Variants in NRXN3 observed in about 807,000 individuals in gnomAD.
NRXN3 encodes neurexin III.
NRXN3 carries 32 observed loss-of-function variants against 137.6 expected under a neutral mutation model. The ratio of observed to expected loss-of-function variants is 0.23; its 90% confidence interval spans 0.18 to 0.31. The LOEUF is 0.31. Ranked by LOEUF, NRXN3 falls within the 10% of genes least tolerant of loss-of-function variation. The pLI is 1.00. For missense variants in NRXN3, 1,574 were observed against 2,062.5 expected, an observed-to-expected ratio of 0.76 and a Z score of 4.59; for synonymous variants, 798 against 784.5, an observed-to-expected ratio of 1.02 and a Z score of -0.29.
chr14:79,756,803 G>A (rs746059786), intron 19 of NRXN3, among the ~76,000 whole-genome samples: 2 of 152,172 alleles, frequency 1.3e-5, no homozygotes, highest in South Asian at 2.1e-4. Flanking sequence ...TCACCCAGGA[G>A]ATCTGAGAAT....
chr14:79,171,941 G>C (rs2061823831), intron 15 of NRXN3, among the ~76,000 whole-genome samples: 1 of 151,596 alleles, frequency 6.6e-6, no homozygotes, highest in Admixed American at 6.6e-5. Context: ...TAATACCCCA[G>C]TACACCTAAA....
chr14:79,533,453 G>A (rs2097186539), intron 16 of NRXN3, among the ~76,000 whole-genome samples: 1 of 152,172 alleles, frequency 6.6e-6, no homozygotes, highest in Admixed American at 6.5e-5. Flanking sequence ...TACAAGAGGT[G>A]TGATTTGGGG....
chr14:78,991,922 G>T (rs886873971), intron 15 of NRXN3, among the ~76,000 whole-genome samples: 11 of 152,130 alleles, frequency 7.2e-5, no homozygotes, highest in African/African-American at 2.4e-4. Context: ...TTTATTCTTT[G>T]TGTGACCCTG....
intron 10 of NRXN3, among the ~76,000 whole-genome samples, chr14:78,915,345 C>CAAAAAAAAAAAAAAAAAAAAAAAAAA (rs35908076): frequency 8.9e-5 from 1 of 11,196 alleles, no homozygotes; most frequent in Non-Finnish European, 1.9e-4. Context: ...ACGTGTGAAG[C>CAAAAAAAAAAAAAAAAAAAAAAAAAA]AAAAAAAAAA....
intron 4 of NRXN3, among the ~76,000 whole-genome samples, chr14:78,416,159 T>A (rs562312454): frequency 2.6e-5 from 4 of 152,306 alleles, no homozygotes; most frequent in African/African-American, 9.6e-5. Flanking sequence ...GCAGCCATAT[T>A]TGAAGACTAT....
chr14:78,226,427 A>G (rs1381212647), intron 1 of NRXN3, among the ~76,000 whole-genome samples: 1 of 152,230 alleles, frequency 6.6e-6, no homozygotes, highest in Non-Finnish European at 1.5e-5. Context: ...GTATATTAAA[A>G]GATTTATCTA....
At chr14:79,524,870 G>T (rs181535985) in intron 16 of NRXN3, among the ~76,000 whole-genome samples, 6 of 152,258 alleles carry the variant, frequency 3.9e-5, no homozygotes, top group Admixed American at 1.3e-4. Flanking sequence ...GGACAAAAAG[G>T]GTATGATCTA....
At chr14:79,488,098 A>G (rs1478177417) in intron 16 of NRXN3, among the ~76,000 whole-genome samples, 4 of 152,168 alleles carry the variant, frequency 2.6e-5, no homozygotes, top group Non-Finnish European at 5.9e-5. Flanking sequence ...CATATGAGGC[A>G]AGCTCCATGC....
intron 8 of NRXN3, among the ~76,000 whole-genome samples, chr14:78,734,401 A>G (rs1489138749): frequency 1.3e-5 from 2 of 152,360 alleles, no homozygotes; most frequent in East Asian, 1.9e-4. Flanking sequence ...ATATCATGCT[A>G]TTCTTCACAA....
chr14:79,588,423 C>T (rs749028674), intron 16 of NRXN3, among the ~76,000 whole-genome samples: 1 of 152,196 alleles, frequency 6.6e-6, no homozygotes, highest in Non-Finnish European at 1.5e-5. Context: ...TCAAACTCCG[C>T]TTGTGAACTT....
chr14:79,052,731 C>A (rs955498879), intron 15 of NRXN3, among the ~76,000 whole-genome samples: 2 of 152,246 alleles, frequency 1.3e-5, no homozygotes, highest in Non-Finnish European at 2.9e-5. Context: ...ACTTTCTAAA[C>A]AGGTTGCAAA....
At position 79,387,191 on chromosome 14, in the gene NRXN3, G is replaced by A. The variant is rs1171821998; in HGVS notation, c.3263-80030G>A. Among the ~76,000 whole-genome samples the A allele has an allele frequency of 2.6e-5, 4 of 152,120 alleles. No individual in the cohort carries two copies. The South Asian group carries it at 6.2e-4, about 24-fold the overall frequency. ...ACCTATAGAATGGGAGAAAATTTTT[G>A]CAATCTACTCATCTGACAAAGGGCT... On this transcript the variant is annotated intron_variant, in intron 15 of 20. Coordinates refer to ENST00000335750, the MANE Select transcript of NRXN3 (RefSeq NM_001330195.2).
rs75755440 is a variant in NRXN3 at position 78,731,807 on chromosome 14, G to A, written c.2044+16668G>A. ...CCTGTTTTTTTTCAAAAATTATCTC[G>A]TAGTTGCATAATTATACCATAATTT... is the stretch of plus-strand genomic sequence containing the variant. On this transcript the variant is annotated intron_variant, in intron 8 of 20. Coordinates refer to ENST00000335750, the MANE Select transcript of NRXN3 (RefSeq NM_001330195.2). Among the ~76,000 whole-genome samples, 2,498 of 149,568 alleles carry A rather than the reference G, an allele frequency of 0.017. 114 individuals are homozygous for A. The East Asian group carries it at 0.21, about 13-fold the overall frequency.
chr14:78,784,211 A>G (rs1034895284), intron 8 of NRXN3, among the ~76,000 whole-genome samples: 2 of 152,166 alleles, frequency 1.3e-5, no homozygotes, highest in South Asian at 2.1e-4. Flanking sequence ...TAGTTAAGCT[A>G]TTTGGGCTAG....
At position 79,697,765 on chromosome 14, in the gene NRXN3, A is replaced by G; in HGVS notation, c.3842A>G (p.Asn1281Ser). The part of the protein sequence containing the change: ...LKVLNMAAEN[N>S]PNIKINGSVR... ...GTACTGAACATGGCGGCTGAGAACA[A>G]CCCCAATATTAAAATCAATGGAAGT... The change falls in exon 19 of 21, where the codon AAC becomes AGC. Residue 1281 changes from asparagine to serine, a missense_variant. By Grantham distance (46) the Asn-to-Ser change is conservative. Around this residue, in one of 5 missense-constraint regions of NRXN3, gnomAD observed 320 missense variants for 387.1 expected, o/e 0.83. Transcript: ENST00000335750. 1 of 1,613,082 alleles carries G rather than the reference A, an allele frequency of 6.2e-7. No individual in the cohort carries two copies. Among genetic ancestry groups the G allele is most frequent in the Non-Finnish European group, 8.5e-7 (1 of 1,179,434 alleles).
chr14:79,217,538 A>C (rs1386789422), intron 15 of NRXN3, among the ~76,000 whole-genome samples: 1 of 152,246 alleles, frequency 6.6e-6, no homozygotes, highest in African/African-American at 2.4e-5. Context: ...TAGAAGAAAA[A>C]ATAAACATAT....
chr14:78,257,834 G>A (rs887422224), intron 2 of NRXN3, among the ~76,000 whole-genome samples: 2 of 152,150 alleles, frequency 1.3e-5, no homozygotes, highest in African/African-American at 2.4e-5. Context: ...ATGACTCTAG[G>A]GCCAGTTTGT....
intron 4 of NRXN3, among the ~76,000 whole-genome samples, chr14:78,587,105 A>C (rs907605443): frequency 6.6e-6 from 1 of 152,222 alleles, no homozygotes; most frequent in South Asian, 2.1e-4. Flanking sequence ...AATACTTTGC[A>C]TCCATGTAGC....
intron 8 of NRXN3, among the ~76,000 whole-genome samples, chr14:78,769,176 C>T (rs2098718948): frequency 1.3e-5 from 2 of 152,224 alleles, no homozygotes; most frequent in African/African-American, 2.4e-5. Flanking sequence ...ACTCTCCTCC[C>T]TGTCACTCAG....
Sources: allele counts gnomAD v4.1 joint callset (sites outside exome capture counted in the v4.1 genomes callset), GRCh38; gene constraint gnomAD v4.1.1; regional missense constraint gnomAD v4.1.1; transcripts MANE v1.5; gene names NCBI Gene and HGNC (gene_info 2026-07-23, HGNC 2026-07-21).